Variants in RFC5 observed in about 807,000 individuals in gnomAD.
RFC5 encodes the protein replication factor C subunit 5, also known as A1 36 kDa subunit.
In RFC5, 26 loss-of-function variants were observed where a neutral mutation model predicts 44.3. The ratio of observed to expected loss-of-function variants is 0.59; its 90% CI spans 0.43 to 0.81. The LOEUF is 0.81. Ranked by LOEUF, RFC5 falls within the 40% of genes least tolerant of loss-of-function variation. The probability of loss-of-function intolerance (pLI) is 0.00; values close to 1 mark genes in which losing one functional copy is unlikely to be tolerated. For missense variants in RFC5, 328 were observed against 418.6 expected (o/e 0.78, Z 1.89); for synonymous variants, 155 against 155.2 (o/e 1.00, Z 0.01).
intron 1 of RFC5, chr12:118,017,577 G>T (rs2030177500): frequency 7.4e-6 from 6 of 806,794 alleles, no homozygotes; most frequent in Non-Finnish European, 9.5e-6. Context: ...TCGAAAAGCT[G>T]CAAGTTGTCA....
chr12:118,038,175 T>C, the RFC5 span: 7 of 957,542 alleles, frequency 7.3e-6, no homozygotes, highest in East Asian at 2.9e-5. Context: ...CCCACCAGCA[T>C]GCCTTCTATT....
At position 118,018,026 on chromosome 12, in the gene RFC5, ATG is replaced by A. The variant is rs367617694; in HGVS notation, c.66-1045_66-1044del. The A allele has an allele frequency of 4.7e-4, 328 of 701,754 alleles. 4 individuals carry two copies. In the East Asian group the frequency reaches 8.7e-3, roughly 19 times the overall value. The allele number at this position is 701,754 out of a possible 1,614,324, so 43.5% of individuals were successfully genotyped here. On this transcript the variant is annotated intron_variant, in intron 1 of 10. Transcript: ENST00000454402. ...GCAACCACTAATCTGCTTTCTATCT[ATG>A]GATTTGCCTATTCTGGACATTTCAT...
At chr12:118,036,071 G>A (rs1365231832), downstream of RFC5, 19 of 247,324 alleles carry the variant, frequency 7.7e-5, no homozygotes, top group African/African-American at 3.1e-4. Flanking sequence ...GCCTGGTGGC[G>A]CACGCTTGTA....
chr12:118,034,574 G>GCT (rs368693869), downstream of RFC5: 2,784 of 529,476 alleles, frequency 5.3e-3, 48 homozygotes, highest in African/African-American at 0.048. Flanking sequence ...ATACCAAAGC[G>GCT]CTCTCTCTGT....
intron 6 of RFC5, 44 bp from the exon 7 acceptor site, chr12:118,025,703 G>T (rs1428741625): frequency 2.7e-6 from 3 of 1,094,734 alleles, no homozygotes; most frequent in Admixed American, 1.7e-5. Flanking sequence ...GAATGCTGGT[G>T]CTCTCAGGGG....
intron 1 of RFC5, chr12:118,017,758 A>T: frequency 4.6e-6 from 3 of 658,908 alleles, no homozygotes; most frequent in Non-Finnish European, 8.1e-6. Context: ...GTAACCTCAA[A>T]CATTGGGGTT....
chr12:118,019,540 G>A lies in RFC5; in HGVS notation c.131-92G>A. 5 of 1,428,292 alleles carry A rather than the reference G, an allele frequency of 3.5e-6. No homozygotes were observed. The highest frequency in any genetic ancestry group is 3.9e-6 in the Non-Finnish European group (4 of 1,030,332). 88.5% of individuals were successfully genotyped at this position (1,428,292 alleles called of 1,614,324 possible). A position where few individuals can be genotyped will look rare whatever the true frequency, so the allele number is the denominator to read the frequency against. Reference sequence around the variant, plus strand: ...TGCCTCTGATTTGGACATTGAATTGGGTTGAAGAGCTTTCAGCCCAACTCA... The same window carrying A: ...TGCCTCTGATTTGGACATTGAATTGAGTTGAAGAGCTTTCAGCCCAACTCA... On this transcript the variant is annotated intron_variant, in intron 2 of 10. Coordinates refer to ENST00000454402, the MANE Select transcript of RFC5 (RefSeq NM_007370.7). The surrounding 1 kb of genome is among the most constrained non-coding windows in gnomAD (Gnocchi z 4.2).
intron 1 of RFC5, among the ~76,000 whole-genome samples, chr12:118,018,294 T>G (rs2030240381): frequency 6.6e-6 from 1 of 152,200 alleles, no homozygotes; most frequent in Non-Finnish European, 1.5e-5. Context: ...AGGTTGAGAT[T>G]ATAGGCAAAC....
chr12:118,021,466 G>A (rs2030486149), intron 4 of RFC5, among the ~76,000 whole-genome samples: 1 of 152,012 alleles, frequency 6.6e-6, no homozygotes, highest in Admixed American at 6.5e-5. Context: ...GCCCGCCGCA[G>A]CCTCCCAAAC....
At chr12:118,032,944 G>A (rs1005217970), downstream of RFC5, 14 of 151,858 alleles carry the variant, frequency 9.2e-5, no homozygotes, top group African/African-American at 2.7e-4. Flanking sequence ...TTCAATGAAA[G>A]CCTCTCATTT....
chr12:118,034,527 G>A (rs2031454579), downstream of RFC5: 2 of 735,352 alleles, frequency 2.7e-6, no homozygotes, highest in East Asian at 2.8e-5. Flanking sequence ...AATAATTAAA[G>A]CTGCTGATAG....
intron 5 of RFC5, among the ~76,000 whole-genome samples, chr12:118,023,436 G>C (rs1360719733): frequency 2.2e-5 from 2 of 89,640 alleles, no homozygotes; most frequent in African/African-American, 4.1e-5. Flanking sequence ...AGGAAGAGGA[G>C]GGGGTGAGGA....
At chr12:118,024,156 A>G (rs1027196217) in intron 5 of RFC5, among the ~76,000 whole-genome samples, 1 of 151,956 alleles carries the variant, frequency 6.6e-6, no homozygotes, top group African/African-American at 2.4e-5. Flanking sequence ...CCTGGCTAAC[A>G]TGGTGAAACC....
At chr12:118,020,866 C>G (rs200927192) in intron 3 of RFC5, 40 bp from the exon 4 acceptor site, 1 of 1,347,132 alleles carries the variant, frequency 7.4e-7, no homozygotes, top group Non-Finnish European at 1.1e-6. Flanking sequence ...GATAGCACAG[C>G]AACATGGTTT....
chr12:118,034,376 C>T (rs749375520), downstream of RFC5: 2 of 1,612,356 alleles, frequency 1.2e-6, no homozygotes, highest in African/African-American at 1.3e-5. Flanking sequence ...GAAACAGAAA[C>T]CGATGCTAAG....
intron 1 of RFC5, among the ~76,000 whole-genome samples, chr12:118,017,154 G>C (rs5745798): frequency 2.0e-5 from 3 of 152,282 alleles, no homozygotes; most frequent in South Asian, 4.1e-4. Context: ...TTTCGCACCT[G>C]GTGACAGCAC....
chr12:118,040,106 G>A, the RFC5 span, among the ~76,000 whole-genome samples: 2 of 151,992 alleles, frequency 1.3e-5, no homozygotes, highest in Non-Finnish European at 2.9e-5. Context: ...CCAGGAGGCA[G>A]AGGCTACAAT....
downstream of RFC5, among the ~76,000 whole-genome samples, chr12:118,036,948 G>A (rs1271585805): frequency 1.3e-5 from 2 of 152,070 alleles, no homozygotes; most frequent in Non-Finnish European, 2.9e-5. Context: ...TTGGGTGGCT[G>A]AGGTGGGTGG....
the RFC5 span, chr12:118,038,425 C>T: frequency 5.0e-6 from 8 of 1,599,140 alleles, no homozygotes; most frequent in East Asian, 2.2e-5. Context: ...AGCCAGTCCT[C>T]AACAAAGCAG....
Sources: gnomAD v4.1 joint callset for allele counts (sites outside exome capture counted in the v4.1 genomes callset) on GRCh38, gnomAD v4.1.1 for gene constraint, Gnocchi (gnomAD v3.1) non-coding constraint, MANE v1.5 for transcripts, NCBI Gene and HGNC (gene_info 2026-07-23, HGNC 2026-07-21) for gene names.